KIF3A: variants seen among roughly 807,000 people sequenced by gnomAD.
KIF3A encodes the protein kinesin-like protein KIF3A.
Under a neutral mutation model 92.6 loss-of-function variants are expected in KIF3A, and 27 were observed. That is an observed-to-expected ratio of 0.29 (90% CI 0.21 to 0.40). The LOEUF (loss-of-function observed/expected upper bound fraction) is 0.40, where lower values mean the gene tolerates loss of function less well. KIF3A is among the 10% of genes least tolerant of loss of function. KIF3A has a pLI of 1.00. For missense variants in KIF3A, 581 were observed against 872.6 expected, an observed-to-expected ratio of 0.67 and a Z score of 4.21; for synonymous variants, 250 against 275.4, an observed-to-expected ratio of 0.91 and a Z score of 0.92.
intron 4 of KIF3A, among the ~76,000 whole-genome samples, chr5:132,724,967 T>G (rs1345603408): frequency 6.8e-6 from 1 of 146,758 alleles, no homozygotes; most frequent in Non-Finnish European, 1.5e-5. Flanking sequence ...TAAGAAATCC[T>G]AAAAACTATA....
intron 2 of KIF3A, among the ~76,000 whole-genome samples, chr5:132,726,752 A>C (rs759615794): frequency 6.6e-6 from 1 of 152,208 alleles, no homozygotes; most frequent in Non-Finnish European, 1.5e-5. Flanking sequence ...AAATGCAAAA[A>C]TCTTCCAGTA....
At chr5:132,715,207 A>C (rs1017064293) in intron 8 of KIF3A, among the ~76,000 whole-genome samples, 4 of 152,236 alleles carry the variant, frequency 2.6e-5, no homozygotes, top group Non-Finnish European at 5.9e-5. Context: ...TCACTCTCAT[A>C]AATAAGATCT....
chr5:132,710,332 T>C (rs1203670775), intron 9 of KIF3A, among the ~76,000 whole-genome samples: 1 of 152,162 alleles, frequency 6.6e-6, no homozygotes, highest in Non-Finnish European at 1.5e-5. Flanking sequence ...ATACTTAGGT[T>C]CCAGCCAGGC....
chr5:132,715,505 C>A (rs1254982598), intron 8 of KIF3A, among the ~76,000 whole-genome samples: 1 of 152,140 alleles, frequency 6.6e-6, no homozygotes, highest in Non-Finnish European at 1.5e-5. Flanking sequence ...AAAAAGTGGT[C>A]ATATGAAATC....
rs1753648463 is a variant in KIF3A, at chr5:132,717,016, G to T, written c.617-32C>A. The T allele has an allele frequency of 1.9e-6, 3 of 1,596,944 alleles. No homozygotes were observed. In the East Asian group the frequency reaches 6.7e-5, roughly 36 times the overall value. On this transcript the variant is annotated intron_variant, in intron 5 of 18. Transcript: ENST00000403231. Reference sequence around the variant, plus strand: ...TAAATAAACGAAATCCTTTAAAAGTGTAACAGAGAGTGCCTTTAAAAATAA... The same window carrying T: ...TAAATAAACGAAATCCTTTAAAAGTTTAACAGAGAGTGCCTTTAAAAATAA...
intron 5 of KIF3A, among the ~76,000 whole-genome samples, chr5:132,719,774 G>A (rs1013728303): frequency 2.3e-4 from 35 of 152,066 alleles, no homozygotes; most frequent in Admixed American, 9.8e-4. Context: ...GAGCCACCGC[G>A]ACCAGACTTT....
At chr5:132,725,256 A>G (rs924892038) in intron 4 of KIF3A, among the ~76,000 whole-genome samples, 2 of 152,124 alleles carry the variant, frequency 1.3e-5, no homozygotes, top group East Asian at 3.9e-4. Flanking sequence ...TCAGAGAATA[A>G]GGCTTCATGA....
chr5:132,701,569 T>TA (rs923946358), intron 15 of KIF3A, among the ~76,000 whole-genome samples: 3 of 150,514 alleles, frequency 2.0e-5, no homozygotes, highest in Non-Finnish European at 3.0e-5. Flanking sequence ...AATTTTGGAT[T>TA]AAAAAAAATA....
In KIF3A at chr5:132,726,471, C is replaced by G. The variant is rs1421656067; in HGVS notation, c.308G>C (p.Gly103Ala). 1.9e-6 allele frequency: 3 copies of G among 1,613,470 alleles called. No homozygotes were observed. Among genetic ancestry groups the G allele is most frequent in the African/African-American group, 2.7e-5 (2 of 74,892 alleles). Residue 103 changes from glycine (G) to alanine (A), a missense_variant, in exon 3 of 19, where the codon GGA (glycine) becomes GCA (alanine). Physicochemically the swap from Gly to Ala is moderately conservative, Grantham distance 60 (BLOSUM62 0). This residue lies in a region of KIF3A where 217 missense variants were observed against 299.7 expected (regional missense o/e 0.72). Coordinates refer to ENST00000403231, the MANE Select transcript of KIF3A (RefSeq NM_001300791.2). ...TTCCATGGTAAAAGTTTTGCCTGTT[C>G]CGGTTTGTCCATATGCAAAAATAGT... ...NGTIFAYGQT[G>A]TGKTFTMEGV...
chr5:132,720,704 C>A lies in KIF3A; in HGVS notation c.521G>T (p.Arg174Ile). Reference sequence around the variant, plus strand: ...TTTGATATAAACTCCCACATCAGGTCTTTCTTTAACCTAAAAAAAAATTAA... The same window carrying A: ...TTTGATATAAACTCCCACATCAGGTATTTCTTTAACCTAAAAAAAAATTAA... ...DQTQRLEVKE[R>I]PDVGVYIKDL... The change falls in exon 5 of 19, where the codon AGA becomes ATA. Residue 174 changes from arginine (R) to isoleucine (I), a missense_variant. Coordinates refer to ENST00000403231, the MANE Select transcript of KIF3A (RefSeq NM_001300791.2). The A allele has an allele frequency of 6.3e-7, 1 of 1,592,752 alleles. No individual in the cohort carries two copies. Among genetic ancestry groups the A allele is most frequent in the South Asian group, 1.1e-5 (1 of 89,324 alleles).
intron 8 of KIF3A, among the ~76,000 whole-genome samples, chr5:132,714,202 C>T (rs1219622614): frequency 2.0e-5 from 3 of 151,972 alleles, no homozygotes; most frequent in South Asian, 2.1e-4. Context: ...CCACCAATTC[C>T]GCTTTCGTAA....
Position 132,720,665 on chromosome 5 carries a change from T to G in KIF3A, c.560A>C (p.Tyr187Ser). 6.2e-7 allele frequency: 1 copy of G among 1,612,578 alleles called. No individual in the cohort carries two copies. Among genetic ancestry groups the G allele is most frequent in the Non-Finnish European group, 8.5e-7 (1 of 1,179,098 alleles). Residue 187 changes from tyrosine to serine, a missense_variant, in exon 5 of 19, where the codon TAT becomes TCT. Coordinates refer to ENST00000403231, the MANE Select transcript of KIF3A (RefSeq NM_001300791.2). ...CATATCATCAGCATTATTTACCACA[T>G]AAGCTGATAAATCTTTGATATAAAC... ...VGVYIKDLSA[Y>S]VVNNADDMDR...
chr5:132,700,622 G>A (rs1353150658), intron 16 of KIF3A, 25 bp downstream of exon 16: 9 of 1,474,042 alleles, frequency 6.1e-6, no homozygotes, highest in South Asian at 1.1e-5. Context: ...TAATTATTAC[G>A]TGAAAGAATG....
At chr5:132,717,049 T>C in intron 5 of KIF3A, 65 bp from the exon 6 acceptor site, 1 of 1,490,204 alleles carries the variant, frequency 6.7e-7, no homozygotes, top group Admixed American at 1.9e-5. Flanking sequence ...TAATTAAACA[T>C]CCTGAACAGT....
At chr5:132,709,183 G>T (rs1388758737) in intron 9 of KIF3A, among the ~76,000 whole-genome samples, 1 of 152,128 alleles carries the variant, frequency 6.6e-6, no homozygotes, top group Non-Finnish European at 1.5e-5. Flanking sequence ...CCATACAGAG[G>T]AATTAGAAAG....
chr5:132,698,721 G>A (rs1752920020), intron 18 of KIF3A, among the ~76,000 whole-genome samples: 1 of 137,562 alleles, frequency 7.3e-6, no homozygotes, highest in East Asian at 2.2e-4. Flanking sequence ...TAATACATAA[G>A]GAATTTGATT....
intron 17 of KIF3A, chr5:132,699,572 T>C (rs1401460621): frequency 4.2e-6 from 2 of 479,448 alleles, no homozygotes; most frequent in East Asian, 6.0e-5. Flanking sequence ...TTTTTTTTTT[T>C]TTTTGAGACG....
chr5:132,702,044 T>C, intron 15 of KIF3A, 43 bp downstream of exon 15: 1 of 1,567,428 alleles, frequency 6.4e-7, no homozygotes, highest in Non-Finnish European at 8.7e-7. Context: ...TGTTCCTTAA[T>C]CCCAGTCAAG....
At chr5:132,734,183 T>A (rs1162727602) in intron 2 of KIF3A, 22 bp downstream of exon 2, 5 of 1,584,160 alleles carry the variant, frequency 3.2e-6, no homozygotes, top group Non-Finnish European at 4.3e-6. Flanking sequence ...GGGAGTTTTT[T>A]AAAAAGTAAA....
Sources: gnomAD v4.1 joint callset for allele counts (sites outside exome capture counted in the v4.1 genomes callset) on GRCh38, gnomAD v4.1.1 for gene constraint, gnomAD v4.1.1 regional missense constraint, MANE v1.5 for transcripts, NCBI Gene and HGNC (gene_info 2026-07-23, HGNC 2026-07-21) for gene names.